Variants in GABRB1 observed in about 807,000 individuals in gnomAD.
The protein encoded by GABRB1 is gamma-aminobutyric acid type A receptor subunit beta1, also known as gamma-aminobutyric acid receptor subunit beta-1.
GABRB1 carries 17 observed loss-of-function variants against 51.6 expected under a neutral mutation model. The observed-to-expected ratio is 0.33, with a 90% confidence interval of 0.23 to 0.49. GABRB1 has a LOEUF of 0.49. Among genes scored for constraint, GABRB1 ranks in the 20% least tolerant of loss-of-function variants. GABRB1 has a pLI of 0.99. For missense variants in GABRB1, 410 were observed against 600.6 expected (o/e 0.68, Z 3.32); for synonymous variants, 247 against 218.9 (o/e 1.13, Z -1.14).
At chr4:47,135,341 C>T (rs1356920127) in intron 3 of GABRB1, among the ~76,000 whole-genome samples, 1 of 152,024 alleles carries the variant, frequency 6.6e-6, no homozygotes, top group Non-Finnish European at 1.5e-5. Flanking sequence ...AAGATCAGTG[C>T]TATTGACACT....
intron 3 of GABRB1, among the ~76,000 whole-genome samples, chr4:47,081,983 T>C (rs1056873519): frequency 3.3e-5 from 5 of 152,204 alleles, no homozygotes; most frequent in Admixed American, 1.3e-4. Flanking sequence ...AATCATTAAA[T>C]AGTTGCTTAT....
chr4:47,270,641 T>C (rs1416751103), intron 4 of GABRB1, among the ~76,000 whole-genome samples: 1 of 152,132 alleles, frequency 6.6e-6, no homozygotes, highest in Non-Finnish European at 1.5e-5. Flanking sequence ...GTGGGGAACA[T>C]AAAATCCTCC....
intron 5 of GABRB1, among the ~76,000 whole-genome samples, chr4:47,377,663 G>A (rs1360463420): frequency 6.6e-6 from 1 of 152,094 alleles, no homozygotes; most frequent in Non-Finnish European, 1.5e-5. Context: ...GATTGGTAGA[G>A]CCTAGTGGTC....
chr4:47,216,586 G>C (rs918762940), intron 4 of GABRB1, among the ~76,000 whole-genome samples: 6 of 151,824 alleles, frequency 4.0e-5, no homozygotes, highest in African/African-American at 9.7e-5. Flanking sequence ...TATAGGTCAA[G>C]AGTCAAAAAT....
intron 5 of GABRB1, among the ~76,000 whole-genome samples, chr4:47,364,989 A>C (rs1394416547): frequency 3.3e-5 from 5 of 152,246 alleles, no homozygotes; most frequent in Non-Finnish European, 7.3e-5. Context: ...AAATTCTAAA[A>C]TAATATCAGG....
intron 3 of GABRB1, among the ~76,000 whole-genome samples, chr4:47,123,517 A>T (rs1191607818): frequency 3.4e-5 from 3 of 88,672 alleles, no homozygotes; most frequent in Non-Finnish European, 5.9e-5. Context: ...TATATATTAT[A>T]ATATATTACA....
intron 4 of GABRB1, among the ~76,000 whole-genome samples, chr4:47,167,313 C>T (rs773685983): frequency 3.3e-5 from 5 of 152,016 alleles, no homozygotes; most frequent in Non-Finnish European, 5.9e-5. Flanking sequence ...CAGCCATGTG[C>T]GCGCTGAAAC....
chr4:47,199,682 G>A (rs963009590), intron 4 of GABRB1, among the ~76,000 whole-genome samples: 1 of 152,084 alleles, frequency 6.6e-6, no homozygotes, highest in Non-Finnish European at 1.5e-5. Flanking sequence ...CAGATGGGTA[G>A]GTGTATGTGG....
intron 3 of GABRB1, among the ~76,000 whole-genome samples, chr4:47,040,292 T>C (rs1725783944): frequency 6.6e-6 from 1 of 152,138 alleles, no homozygotes; most frequent in Non-Finnish European, 1.5e-5. Flanking sequence ...GAGGATGAAG[T>C]AGAGAAGGCT....
intron 3 of GABRB1, among the ~76,000 whole-genome samples, chr4:47,039,380 G>A (rs1698707188): frequency 6.8e-6 from 1 of 148,046 alleles, no homozygotes; most frequent in Non-Finnish European, 1.5e-5. Flanking sequence ...AAAAAACCAG[G>A]CAACTAGATA....
intron 3 of GABRB1, among the ~76,000 whole-genome samples, chr4:47,095,700 G>A (rs1714390961): frequency 6.6e-6 from 1 of 152,110 alleles, no homozygotes; most frequent in South Asian, 2.1e-4. Flanking sequence ...TCACTGATGT[G>A]GATATTAATG....
intron 4 of GABRB1, among the ~76,000 whole-genome samples, chr4:47,301,205 A>G (rs376329172): frequency 1.1e-4 from 17 of 152,338 alleles, no homozygotes; most frequent in African/African-American, 4.1e-4. Context: ...AATGAGATAC[A>G]CTACTCTGGC....
At chr4:47,314,998 T>C (rs1184524605) in intron 4 of GABRB1, among the ~76,000 whole-genome samples, 1 of 151,874 alleles carries the variant, frequency 6.6e-6, no homozygotes, top group African/African-American at 2.4e-5. Flanking sequence ...GCAAAAGCAA[T>C]TGCAATAAAA....
At chr4:47,062,600 T>C (rs1726890395) in intron 3 of GABRB1, among the ~76,000 whole-genome samples, 2 of 152,120 alleles carry the variant, frequency 1.3e-5, no homozygotes, top group African/African-American at 4.8e-5. Context: ...AAAAGCAATA[T>C]TTATTTAACT....
chr4:47,052,703 C>T (rs1350230894), intron 3 of GABRB1, among the ~76,000 whole-genome samples: 1 of 152,176 alleles, frequency 6.6e-6, no homozygotes, highest in Non-Finnish European at 1.5e-5. Flanking sequence ...CTGTTTATAT[C>T]TAGTGCTCTC....
In GABRB1 at chr4:47,319,569, T is replaced by C. The variant is rs562808641; in HGVS notation, c.462-558T>C. 9.2e-5 allele frequency among the ~76,000 whole-genome samples: 14 copies of C among 152,330 alleles called. No homozygotes were observed. The South Asian group carries it at 1.7e-3, about 18-fold the overall frequency. On this transcript the variant is annotated intron_variant, in intron 4 of 8. Coordinates refer to ENST00000295454, the MANE Select transcript of GABRB1 (RefSeq NM_000812.4). ...GGTCATGGTGTATATTGTTTTGACA[T>C]GCTGTTGAATTTCATTTGCTAGTAT... is the stretch of plus-strand genomic sequence containing the variant.
intron 4 of GABRB1, among the ~76,000 whole-genome samples, chr4:47,309,116 A>T (rs1462910479): frequency 6.6e-6 from 1 of 152,152 alleles, no homozygotes; most frequent in Non-Finnish European, 1.5e-5. Context: ...CTTCATAGAC[A>T]TATGTGTATA....
intron 3 of GABRB1, among the ~76,000 whole-genome samples, chr4:47,053,650 G>A (rs1040087844): frequency 1.3e-5 from 2 of 152,174 alleles, no homozygotes; most frequent in African/African-American, 4.8e-5. Flanking sequence ...ACCATGTGAT[G>A]TGGGCTGTCA....
At chr4:47,175,749 A>G (rs1185866523) in intron 4 of GABRB1, among the ~76,000 whole-genome samples, 1 of 152,184 alleles carries the variant, frequency 6.6e-6, no homozygotes, top group Non-Finnish European at 1.5e-5. Context: ...GGGCCAACCT[A>G]CAGATACACA....
Sources: allele counts gnomAD v4.1 joint callset (sites outside exome capture counted in the v4.1 genomes callset), GRCh38; gene constraint gnomAD v4.1.1; transcripts MANE v1.5; gene names NCBI Gene and HGNC (gene_info 2026-07-23, HGNC 2026-07-21).